The following PTPRN2 variants were observed in gnomAD, a reference collection of about 807,000 sequenced individuals.
PTPRN2 encodes protein tyrosine phosphatase receptor type N2, also known as receptor-type tyrosine-protein phosphatase N2.
Under a neutral mutation model 118.8 loss-of-function variants are expected in PTPRN2, and 74 were observed. That is an observed-to-expected ratio of 0.62 (90% CI 0.52 to 0.76). PTPRN2 has a LOEUF of 0.76. Among genes scored for constraint, PTPRN2 ranks in the 30% least tolerant of loss-of-function variants. The pLI, the probability that PTPRN2 is intolerant of heterozygous loss-of-function variation, is 0.00. For synonymous variants in PTPRN2, 641 were observed against 608.0 expected, an observed-to-expected ratio of 1.05 and a Z score of -0.80; for missense variants, 1,481 against 1,394.4, an observed-to-expected ratio of 1.06 and a Z score of -0.99.
chr7:157,879,056 G>T (rs192668333), intron 12 of PTPRN2, among the ~76,000 whole-genome samples: 1 of 144,728 alleles, frequency 6.9e-6, no homozygotes, highest in Admixed American at 6.9e-5. Context: ...ACTCACCGAG[G>T]AGCTCTCTCA....
chr7:158,468,675 G>C (rs950789948), intron 2 of PTPRN2, among the ~76,000 whole-genome samples: 1 of 152,242 alleles, frequency 6.6e-6, no homozygotes, highest in Admixed American at 6.5e-5. Context: ...GTGGTGGCAG[G>C]GCAAGACAAG....
At chr7:157,958,860 C>T (rs932324509) in intron 11 of PTPRN2, among the ~76,000 whole-genome samples, 1 of 152,112 alleles carries the variant, frequency 6.6e-6, no homozygotes, top group African/African-American at 2.4e-5. Flanking sequence ...ATAATCTCTA[C>T]CAAAAATATT....
intron 6 of PTPRN2, among the ~76,000 whole-genome samples, chr7:158,143,152 G>A (rs902586135): frequency 6.6e-6 from 1 of 152,206 alleles, no homozygotes; most frequent in Non-Finnish European, 1.5e-5. Flanking sequence ...CAGGTCCAAT[G>A]CTGGCAACAA....
intron 9 of PTPRN2, among the ~76,000 whole-genome samples, chr7:158,122,290 C>T (rs746968605): frequency 2.6e-5 from 4 of 152,162 alleles, no homozygotes; most frequent in Admixed American, 6.5e-5. Flanking sequence ...AGCTCAACCA[C>T]GTTGGACAAG....
rs184359362 is a variant in PTPRN2 at position 158,482,076 on chromosome 7, C to T, written c.163+7659G>A. ...GCTGCCTGAAGATGTGACCAAATTG[C>T]CACAATCTCATGATAAAACTTTAAC... On this transcript the variant is annotated intron_variant, in intron 2 of 22. Coordinates refer to ENST00000389418, the MANE Select transcript of PTPRN2 (RefSeq NM_002847.5). Among the ~76,000 whole-genome samples the T allele has an allele frequency of 1.9e-3, 285 of 152,260 alleles. 1 individual carries two copies. The highest frequency in any genetic ancestry group is 3.4e-3 in the Non-Finnish European group (231 of 68,020).
Position 158,103,159 on chromosome 7 carries a change from C to G in PTPRN2, c.1643+7670G>C, listed in dbSNP as rs146919514. ...CAGTCAGTGTGAGGCTCCCACTTACCACCTGTGGCCTCATCCTCCCTGTGC... is the reference window on the plus strand; with the variant it reads ...CAGTCAGTGTGAGGCTCCCACTTACGACCTGTGGCCTCATCCTCCCTGTGC... On this transcript the variant is annotated intron_variant, in intron 10 of 22. Transcript: ENST00000389418. 2.6e-4 allele frequency among the ~76,000 whole-genome samples: 39 copies of G among 152,320 alleles called. 1 individual carries two copies. The highest frequency in any genetic ancestry group is 2.0e-3 in the Admixed American group (31 of 15,304).
At chr7:158,125,395 C>T (rs1240686319) in intron 9 of PTPRN2, among the ~76,000 whole-genome samples, 1 of 152,192 alleles carries the variant, frequency 6.6e-6, no homozygotes, top group Non-Finnish European at 1.5e-5. Context: ...GCCTCGCGTA[C>T]TTCCCACGGC....
intron 11 of PTPRN2, among the ~76,000 whole-genome samples, chr7:158,017,879 TC>T (rs951136700): frequency 6.6e-6 from 1 of 152,146 alleles, no homozygotes; most frequent in African/African-American, 2.4e-5. Flanking sequence ...GGGGTCCCCT[TC>T]TTTTAATTTT....
chr7:157,664,351 C>CT (rs1563321017), intron 13 of PTPRN2, among the ~76,000 whole-genome samples: 4 of 152,252 alleles, frequency 2.6e-5, no homozygotes, highest in Non-Finnish European at 5.9e-5. Context: ...GTATCACCTG[C>CT]GTTCATTATC....
intron 14 of PTPRN2, among the ~76,000 whole-genome samples, chr7:157,653,453 C>T (rs1267555652): frequency 6.6e-6 from 1 of 152,120 alleles, no homozygotes; most frequent in African/African-American, 2.4e-5. Context: ...GACTCTGATG[C>T]GTTCCTGCGG....
chr7:157,545,597 G>A (rs1798279034), intron 22 of PTPRN2, among the ~76,000 whole-genome samples: 2 of 152,202 alleles, frequency 1.3e-5, no homozygotes, highest in East Asian at 3.9e-4. Context: ...CTGGGTGCCT[G>A]GACTTCTCTT....
chr7:158,392,871 C>T (rs530298245), intron 2 of PTPRN2, among the ~76,000 whole-genome samples: 44 of 152,126 alleles, frequency 2.9e-4, no homozygotes, highest in Non-Finnish European at 5.7e-4. Context: ...CAGCCCCTCT[C>T]GGTAGAATTT....
intron 12 of PTPRN2, among the ~76,000 whole-genome samples, chr7:157,689,270 A>C (rs1421753325): frequency 3.9e-5 from 6 of 152,198 alleles, no homozygotes; most frequent in Non-Finnish European, 8.8e-5. Flanking sequence ...ACGCAAGGAC[A>C]GCCTGGTTTG....
intron 2 of PTPRN2, among the ~76,000 whole-genome samples, chr7:158,381,606 G>A (rs986026203): frequency 6.6e-6 from 1 of 152,122 alleles, no homozygotes; most frequent in African/African-American, 2.4e-5. Flanking sequence ...CCTCCAAACT[G>A]TTCCAACCCC....
At chr7:158,108,026 C>A (rs1171031394) in intron 10 of PTPRN2, among the ~76,000 whole-genome samples, 1 of 151,364 alleles carries the variant, frequency 6.6e-6, no homozygotes, top group Non-Finnish European at 1.5e-5. Context: ...ACACACCTGC[C>A]CCCCAAAAAA....
intron 2 of PTPRN2, among the ~76,000 whole-genome samples, chr7:158,448,132 T>C (rs141327242): frequency 5.3e-4 from 80 of 152,242 alleles, no homozygotes; most frequent in African/African-American, 1.8e-3. Flanking sequence ...CCAGGATGAA[T>C]CTCACAGGGA....
rs575055553 is a variant in PTPRN2, at chr7:158,070,272, C to T, written c.1723+11026G>A. 5.6e-5 allele frequency among the ~76,000 whole-genome samples: 8 copies of T among 143,576 alleles called. No homozygotes were observed. The East Asian group carries it at 1.6e-3, about 28-fold the overall frequency. 94.2% of individuals were successfully genotyped at this position (143,576 alleles called of 152,430 possible). On this transcript the variant is annotated intron_variant, in intron 11 of 22. Transcript: ENST00000389418. ...AGAGGTGCTCATGGTGATGGAGGTG[C>T]TCATGGTGGAGGTGCTCGTGGTGGT...
chr7:157,903,872 G>T lies in PTPRN2; in HGVS notation c.1724-5135C>A, dbSNP rs1797608800. ...ATCCAGGCTGTGGATTTCCATGCACGCTTCACAAGCAGCTGTGAGGACCAC... is the reference window on the plus strand; with the variant it reads ...ATCCAGGCTGTGGATTTCCATGCACTCTTCACAAGCAGCTGTGAGGACCAC... On this transcript the variant is annotated intron_variant, in intron 11 of 22. Transcript: ENST00000389418. The surrounding 1 kb of genome is among the most constrained non-coding windows in gnomAD (Gnocchi z 4.2). Among the ~76,000 whole-genome samples the T allele has an allele frequency of 6.6e-6, 1 of 152,146 alleles. No homozygotes were observed. The highest frequency in any genetic ancestry group is 1.5e-5 in the Non-Finnish European group (1 of 68,040).
chr7:157,981,478 A>C (rs1803144958), intron 11 of PTPRN2, among the ~76,000 whole-genome samples: 1 of 152,176 alleles, frequency 6.6e-6, no homozygotes, highest in South Asian at 2.1e-4. Context: ...CACACACACA[A>C]ATTTGACTCC....
Sources: allele counts gnomAD v4.1 joint callset (sites outside exome capture counted in the v4.1 genomes callset), GRCh38; gene constraint gnomAD v4.1.1; non-coding constraint Gnocchi (gnomAD v3.1); transcripts MANE v1.5; gene names NCBI Gene and HGNC (gene_info 2026-07-23, HGNC 2026-07-21).